The following PDE4B variants were observed in gnomAD, a reference collection of about 807,000 sequenced individuals.
PDE4B encodes 3',5'-cyclic-AMP phosphodiesterase 4B.
Under a neutral mutation model 82.2 loss-of-function variants are expected in PDE4B, and 20 were observed. The ratio of observed to expected loss-of-function variants is 0.24; its 90% confidence interval spans 0.17 to 0.35. The LOEUF is 0.35. Ranked by LOEUF, PDE4B falls within the 10% of genes least tolerant of loss-of-function variation. PDE4B has a pLI of 1.00. For missense variants in PDE4B, 655 were observed against 907.2 expected, an observed-to-expected ratio of 0.72 and a Z score of 3.57; for synonymous variants, 320 against 318.9, an observed-to-expected ratio of 1.00 and a Z score of -0.04.
At chr1:66,159,141 A>G (rs1197959756) in intron 3 of PDE4B, among the ~76,000 whole-genome samples, 1 of 152,200 alleles carries the variant, frequency 6.6e-6, no homozygotes, top group African/African-American at 2.4e-5. Context: ...GAATGTGATA[A>G]TTACCCTGAT....
At chr1:66,191,432 T>G (rs1647792710) in intron 3 of PDE4B, among the ~76,000 whole-genome samples, 1 of 152,224 alleles carries the variant, frequency 6.6e-6, no homozygotes, top group South Asian at 2.1e-4. Flanking sequence ...ACTGATCTGT[T>G]GCTCCTGTTA....
intron 3 of PDE4B, among the ~76,000 whole-genome samples, chr1:66,089,401 T>C (rs1401439498): frequency 6.6e-6 from 1 of 152,104 alleles, no homozygotes; most frequent in Non-Finnish European, 1.5e-5. Flanking sequence ...GAAAATGTTT[T>C]CTCCATGTTT....
intron 7 of PDE4B, among the ~76,000 whole-genome samples, chr1:66,272,148 G>T (rs1655535444): frequency 6.6e-6 from 1 of 152,186 alleles, no homozygotes; most frequent in South Asian, 2.1e-4. Context: ...CTCGAGCCTG[G>T]TCATGCAGCT....
At chr1:66,049,399 TGCCA>T (rs1466596271) in intron 3 of PDE4B, among the ~76,000 whole-genome samples, 3 of 152,010 alleles carry the variant, frequency 2.0e-5, no homozygotes, top group African/African-American at 7.2e-5. Flanking sequence ...GTGTTAGTAT[TGCCA>T]GCTGATGGGC....
intron 3 of PDE4B, among the ~76,000 whole-genome samples, chr1:66,066,123 T>G (rs1655832006): frequency 6.6e-6 from 1 of 151,592 alleles, no homozygotes; most frequent in Admixed American, 6.6e-5. Flanking sequence ...ATAATTTATA[T>G]GTATTTGTAT....
intron 3 of PDE4B, among the ~76,000 whole-genome samples, chr1:66,131,187 C>G (rs2101110674): frequency 6.6e-6 from 1 of 152,152 alleles, no homozygotes; most frequent in African/African-American, 2.4e-5. Flanking sequence ...TGGATATGTC[C>G]AAGTGTCCCC....
At chr1:66,257,385 C>G in intron 4 of PDE4B, 1 of 638,156 alleles carries the variant, frequency 1.6e-6, no homozygotes, top group South Asian at 1.5e-5. Flanking sequence ...GGGAATATAT[C>G]CTGAGGATAT....
intron 1 of PDE4B, among the ~76,000 whole-genome samples, chr1:65,815,208 TC>T (rs1422826803): frequency 4.0e-5 from 1 of 24,710 alleles, no homozygotes; most frequent in Non-Finnish European, 8.3e-5. Flanking sequence ...CCCTCCCCCC[TC>T]CCCCCCACCC....
intron 3 of PDE4B, among the ~76,000 whole-genome samples, chr1:66,020,005 A>G (rs964922133): frequency 6.6e-6 from 1 of 152,238 alleles, no homozygotes; most frequent in African/African-American, 2.4e-5. Flanking sequence ...AGAGACCTGT[A>G]TGAGACTGTG....
intron 3 of PDE4B, among the ~76,000 whole-genome samples, chr1:66,144,427 A>G (rs1646230737): frequency 6.6e-6 from 1 of 152,224 alleles, no homozygotes; most frequent in African/African-American, 2.4e-5. Flanking sequence ...ATAAATTTAT[A>G]AAAATTCCTG....
chr1:66,268,410 C>G (rs1655207305), intron 7 of PDE4B, among the ~76,000 whole-genome samples: 2 of 152,128 alleles, frequency 1.3e-5, no homozygotes, highest in African/African-American at 2.4e-5. Context: ...TGGCTCATGC[C>G]TGTAATCCCA....
chr1:65,920,384 T>C (rs1647215191), intron 3 of PDE4B, among the ~76,000 whole-genome samples: 1 of 152,218 alleles, frequency 6.6e-6, no homozygotes, highest in Admixed American at 6.5e-5. Flanking sequence ...GTTGGTGCTA[T>C]ATCTGTTGTT....
intron 7 of PDE4B, chr1:66,331,844 G>A: frequency 1.0e-6 from 1 of 985,270 alleles, no homozygotes; most frequent in Non-Finnish European, 1.2e-6. Flanking sequence ...TTATCAGGGA[G>A]ACCTCATTTT....
chr1:66,136,004 G>A (rs749493150), intron 3 of PDE4B, among the ~76,000 whole-genome samples: 1 of 152,106 alleles, frequency 6.6e-6, no homozygotes, highest in Non-Finnish European at 1.5e-5. Flanking sequence ...ATGTTTCAAG[G>A]TGATTCTTTC....
chr1:66,226,340 A>C (rs112833176), intron 3 of PDE4B, among the ~76,000 whole-genome samples: 3,459 of 152,342 alleles, frequency 0.023, 57 homozygotes, highest in Non-Finnish European at 0.033. Context: ...CATTTAATGG[A>C]GAGATACTGA....
At chr1:66,062,660 A>T (rs1459168584) in intron 3 of PDE4B, among the ~76,000 whole-genome samples, 3 of 152,060 alleles carry the variant, frequency 2.0e-5, no homozygotes, top group Non-Finnish European at 4.4e-5. Context: ...GCTAGAGTGG[A>T]ATTTCAGCCT....
intron 3 of PDE4B, among the ~76,000 whole-genome samples, chr1:66,177,484 A>G (rs953687079): frequency 6.6e-6 from 1 of 152,208 alleles, no homozygotes; most frequent in Non-Finnish European, 1.5e-5. Context: ...ATAACATCTG[A>G]CAAGCGTTGG....
chr1:66,305,406 T>G lies in PDE4B; in HGVS notation c.635-27102T>G, dbSNP rs116036705. On this transcript the variant is annotated intron_variant, in intron 7 of 16. Coordinates refer to ENST00000341517, the MANE Select transcript of PDE4B (RefSeq NM_002600.4). The stretch of plus-strand genomic sequence containing the variant: ...GTTAGATAAAATATGGGATGCCTAG[T>G]TAAATTTGAATTTCAGATAAACAAC... Among the ~76,000 whole-genome samples the G allele has an allele frequency of 2.6e-3, 401 of 152,254 alleles. 3 individuals are homozygous for G. The highest frequency in any genetic ancestry group is 8.6e-3 in the African/African-American group (356 of 41,574).
intron 4 of PDE4B, among the ~76,000 whole-genome samples, chr1:66,253,608 T>C (rs1410507909): frequency 2.6e-5 from 4 of 152,254 alleles, no homozygotes; most frequent in Non-Finnish European, 4.4e-5. Flanking sequence ...TCAGTTTTCA[T>C]AATCAATCAA....
Sources: gnomAD v4.1 joint callset for allele counts (sites outside exome capture counted in the v4.1 genomes callset) on GRCh38, gnomAD v4.1.1 for gene constraint, MANE v1.5 for transcripts, NCBI Gene and HGNC (gene_info 2026-07-23, HGNC 2026-07-21) for gene names.